The following NXF3 variants were observed in gnomAD, a reference collection of about 807,000 sequenced individuals.
The protein encoded by NXF3 is nuclear RNA export factor 3.
NXF3 carries 34 observed loss-of-function variants against 48.4 expected under a neutral mutation model. That is an observed-to-expected ratio of 0.70 (90% CI 0.53 to 0.93). The LOEUF (loss-of-function observed/expected upper bound fraction) is 0.93, where lower values mean the gene tolerates loss of function less well. Ranked by LOEUF, NXF3 falls within the 40% of genes least tolerant of loss-of-function variation. The pLI is 0.00. For synonymous variants in NXF3, 132 were observed against 145.7 expected, an observed-to-expected ratio of 0.91 and a Z score of 0.68; for missense variants, 359 against 406.1, an observed-to-expected ratio of 0.88 and a Z score of 1.00.
Position 103,084,344 on chromosome X carries a change from T to G in NXF3, c.349A>C (p.Thr117Pro). Residue 117 changes from threonine (T) to proline (P), a missense_variant and splice_region_variant, in exon 3 of 20, where the codon ACA (threonine) becomes CCA (proline). Thr to Pro is a conservative substitution (Grantham distance 38, BLOSUM62 -1). Coordinates refer to ENST00000395065, the MANE Select transcript of NXF3 (RefSeq NM_022052.2). ...ATCCACTTTGCCAGGACACTCACTG[T>G]GATCTTGAACCAGCTCCCTAAGGTC... is the stretch of plus-strand genomic sequence containing the variant. ...DGTLGSWFKI[T>P]VPFGIKYNEK... is the part of the protein sequence containing the mutation. 1 of 1,211,434 alleles carries G rather than the reference T, an allele frequency of 8.3e-7. No individual in the cohort carries two copies. Among genetic ancestry groups the G allele is most frequent in the Non-Finnish European group, 1.1e-6 (1 of 895,398 alleles).
intron 1 of NXF3, among the ~76,000 whole-genome samples, chrX:103,091,012 T>A (rs1281077344): frequency 8.9e-6 from 1 of 112,560 alleles, no homozygotes; most frequent in Non-Finnish European, 1.9e-5. Context: ...GTTTATATTT[T>A]CCAATAATGT....
Position 103,076,245 on chromosome X carries a change from G to A in NXF3, c.*45C>T. ...GCCTGAATTCCTAGACCTCACCTTGGGCCATGCAAGAACATGAGGAGCTCT... is the reference window on the plus strand; with the variant it reads ...GCCTGAATTCCTAGACCTCACCTTGAGCCATGCAAGAACATGAGGAGCTCT... On this transcript the variant is annotated 3_prime_UTR_variant, in exon 19 of 20. Transcript: ENST00000395065. 1 of 1,201,630 alleles carries A rather than the reference G, an allele frequency of 8.3e-7. No homozygotes were observed.
At chrX:103,076,973 G>A (rs1338254966) in intron 18 of NXF3, among the ~76,000 whole-genome samples, 1 of 110,733 alleles carries the variant, frequency 9.0e-6, no homozygotes, top group Non-Finnish European at 1.9e-5. Context: ...CCTGTCTCCC[G>A]GGCACATGTC....
At chrX:103,082,009 C>T (rs1055910902) in intron 9 of NXF3, 4 of 380,464 alleles carry the variant, frequency 1.1e-5, no homozygotes, top group South Asian at 4.3e-5. Flanking sequence ...ACAGAGGGCA[C>T]GCTAGAGGAG....
Position 103,093,090 on chromosome X carries a change from A to G in NXF3, c.-67T>C. On this transcript the variant is annotated 5_prime_UTR_variant, in exon 1 of 20. Transcript: ENST00000395065. ...GTGGCCTGGGGACGGGAGTTTGGAG[A>G]AGATTGAGGAGGGCTGCTGACGAAG... 9.7e-7 allele frequency: 1 copy of G among 1,031,633 alleles called. No homozygotes were observed. The highest frequency in any genetic ancestry group is 2.2e-5 in the Admixed American group (1 of 45,080). The allele number at this position is 1,031,633 out of a possible 1,213,427, so 85.0% of individuals were successfully genotyped here.
chrX:103,087,522 T>C (rs762728256), intron 1 of NXF3: 7 of 1,011,615 alleles, frequency 6.9e-6, no homozygotes, highest in Non-Finnish European at 9.8e-6. Context: ...CCTATCAGAA[T>C]AATGTTAAAC....
intron 16 of NXF3, 138 bp from the exon 17 acceptor site, chrX:103,078,770 G>A (rs780879057): frequency 8.8e-5 from 85 of 962,866 alleles, no homozygotes; most frequent in African/African-American, 5.5e-4. Flanking sequence ...GGAGTGAGGC[G>A]GATGTGGTAG....
At position 103,083,650 on chromosome X, in the gene NXF3, A is replaced by G. The variant is rs745380221; in HGVS notation, c.394T>C (p.Leu132=). 3.3e-6 allele frequency: 4 copies of G among 1,210,225 alleles called. No homozygotes were observed. The East Asian group carries it at 8.9e-5, about 27-fold the overall frequency. ...IKYNEKWLLN[L]IQNECSVPFV... is the part of the protein sequence containing the mutation. ...GGTACACTGCATTCATTCTGAATCAAATTCAGCAGCCACTTCTCATTGTAT... is the reference window on the plus strand; with the variant it reads ...GGTACACTGCATTCATTCTGAATCAGATTCAGCAGCCACTTCTCATTGTAT... The change falls in exon 4 of 20, where the codon TTG becomes CTG. Residue 132 remains leucine (L), a synonymous_variant. Transcript: ENST00000395065.
Position 103,083,254 on chromosome X carries a change from G to A in NXF3, c.560C>T (p.Pro187Leu). ...DNEKISIFVN[P>L]AGIPHFVHRE... ...GTGCACAAAGTGGGGTATGCCAGCA[G>A]GGTTGACAAAGATTGATATCTGCAG... The change falls in exon 6 of 20, where the codon CCT becomes CTT. Residue 187 changes from proline (P) to leucine (L), a missense_variant. Physicochemically the swap from Pro to Leu is moderately conservative, Grantham distance 98. Coordinates refer to ENST00000395065, the MANE Select transcript of NXF3 (RefSeq NM_022052.2). The A allele has an allele frequency of 4.1e-6, 5 of 1,211,115 alleles. No individual in the cohort carries two copies. The highest frequency in any genetic ancestry group is 5.6e-6 in the Non-Finnish European group (5 of 895,189).
At chrX:103,076,529 G>T (rs1446325098) in intron 18 of NXF3, among the ~76,000 whole-genome samples, 2 of 111,519 alleles carry the variant, frequency 1.8e-5, no homozygotes, top group Non-Finnish European at 3.8e-5. Context: ...CTAAGCTAAA[G>T]GTAAAAGTGA....
intron 1 of NXF3, 105 bp from the exon 2 acceptor site, chrX:103,084,988 AG>A: frequency 2.5e-6 from 2 of 793,617 alleles, no homozygotes; most frequent in Non-Finnish European, 3.7e-6. Flanking sequence ...ATTTAGAGTC[AG>A]GATCTGGCTC....
chrX:103,092,784 T>C (rs1922310581), intron 1 of NXF3, among the ~76,000 whole-genome samples: 2 of 112,486 alleles, frequency 1.8e-5, no homozygotes, highest in African/African-American at 6.5e-5. Context: ...ATGTTAATTT[T>C]TACCAACCCC....
chrX:103,088,782 GAA>G (rs754566119), intron 1 of NXF3: 3 of 1,111,308 alleles, frequency 2.7e-6, no homozygotes, highest in Admixed American at 2.5e-5. Context: ...GATTCATAAT[GAA>G]AAGAGTCCTT....
intron 1 of NXF3, chrX:103,088,287 G>A (rs1425457774): frequency 1.8e-5 from 10 of 562,513 alleles, no homozygotes; most frequent in Non-Finnish European, 1.7e-5. Context: ...AGAGATTCTT[G>A]AAAAATTGTG....
At chrX:103,087,535 G>T in intron 1 of NXF3, 1 of 988,667 alleles carries the variant, frequency 1.0e-6, no homozygotes, top group East Asian at 3.0e-5. Flanking sequence ...TGTTAAACAG[G>T]TCAGAAGACT....
At chrX:103,089,539 G>A (rs1222328058) in intron 1 of NXF3, among the ~76,000 whole-genome samples, 1 of 112,142 alleles carries the variant, frequency 8.9e-6, no homozygotes, top group African/African-American at 3.2e-5. Flanking sequence ...TGCTGTGTCT[G>A]TATTGAAAAA....
chrX:103,079,119 G>A (rs1307852453), intron 16 of NXF3, 102 bp downstream of exon 16: 10 of 859,453 alleles, frequency 1.2e-5, no homozygotes, highest in African/African-American at 1.0e-4. Context: ...CAAGAGGAAG[G>A]AAAGGAACGA....
chrX:103,090,792 G>A (rs1922254478), intron 1 of NXF3, among the ~76,000 whole-genome samples: 1 of 111,747 alleles, frequency 8.9e-6, no homozygotes, highest in South Asian at 3.8e-4. Context: ...GGCAGTCTGA[G>A]TAAAACACCC....
At chrX:103,077,020 G>A (rs1055333124) in intron 18 of NXF3, among the ~76,000 whole-genome samples, 7 of 111,029 alleles carry the variant, frequency 6.3e-5, no homozygotes, top group Non-Finnish European at 1.3e-4. Flanking sequence ...AAATGATTGA[G>A]ACTTGTCTCA....
Sources: gnomAD v4.1 joint callset for allele counts (sites outside exome capture counted in the v4.1 genomes callset) on GRCh38, gnomAD v4.1.1 for gene constraint, MANE v1.5 for transcripts, NCBI Gene and HGNC (gene_info 2026-07-23, HGNC 2026-07-21) for gene names.